Variants in PTPRN2 observed in about 807,000 individuals in gnomAD.
The protein encoded by PTPRN2 is protein tyrosine phosphatase receptor type N2.
In PTPRN2, 74 loss-of-function variants were observed where a neutral mutation model predicts 118.8. The ratio of observed to expected loss-of-function variants is 0.62; its 90% CI spans 0.52 to 0.76. The LOEUF (loss-of-function observed/expected upper bound fraction) is 0.76. Ranked by LOEUF, PTPRN2 falls within the 30% of genes least tolerant of loss-of-function variation. PTPRN2 has a pLI of 0.00. For synonymous variants in PTPRN2, 641 were observed against 608.0 expected (o/e 1.05, Z -0.80); for missense variants, 1,481 against 1,394.4 (o/e 1.06, Z -0.99).
rs555109113 is a variant in PTPRN2, at chr7:158,236,159, T to C, written c.278-30886A>G. On this transcript the variant is annotated intron_variant, in intron 3 of 22. Transcript: ENST00000389418. ...CCATCGTCCTTGCCATTGCTGGCCGTCATCTCTGGTCATCGCAAACAGAGC... is the reference window on the plus strand; with the variant it reads ...CCATCGTCCTTGCCATTGCTGGCCGCCATCTCTGGTCATCGCAAACAGAGC... Among the ~76,000 whole-genome samples the C allele has an allele frequency of 1.4e-4, 22 of 152,278 alleles. 1 individual carries two copies. In the South Asian group the frequency reaches 3.5e-3, roughly 24 times the overall value.
In PTPRN2 at chr7:157,619,102, C is replaced by T. The variant is rs1802989234; in HGVS notation, c.2344+2260G>A. On this transcript the variant is annotated intron_variant, in intron 15 of 22. Coordinates refer to ENST00000389418, the MANE Select transcript of PTPRN2 (RefSeq NM_002847.5). This position sits in a 1 kb window ranked among gnomAD's most constrained non-coding sequence, Gnocchi z 5.3. ...TCCCATCTGAGCACGGACCACTTCA[C>T]CATCACTAGGTCCCTCGCCCCCAAC... 6.6e-6 allele frequency among the ~76,000 whole-genome samples: 1 copy of T among 152,108 alleles called. No homozygotes were observed. The highest frequency in any genetic ancestry group is 2.1e-4 in the South Asian group (1 of 4,826).
chr7:157,581,010 C>A (rs1163870979), intron 17 of PTPRN2, among the ~76,000 whole-genome samples: 6 of 131,538 alleles, frequency 4.6e-5, no homozygotes, highest in African/African-American at 1.5e-4. Flanking sequence ...ACACCCGAGC[C>A]CCTGCACACC....
intron 12 of PTPRN2, among the ~76,000 whole-genome samples, chr7:157,738,379 C>A (rs926513804): frequency 6.6e-6 from 1 of 152,160 alleles, no homozygotes; most frequent in South Asian, 2.1e-4. Context: ...AGCAGAGGAG[C>A]GAAGGGAGGA....
intron 2 of PTPRN2, among the ~76,000 whole-genome samples, chr7:158,485,021 C>T (rs1280871343): frequency 6.6e-6 from 1 of 152,136 alleles, no homozygotes; most frequent in Non-Finnish European, 1.5e-5. Context: ...GCTGTGGCCC[C>T]GGCCGCCAGC....
At chr7:157,554,675 TG>T (rs955090824) in intron 21 of PTPRN2, among the ~76,000 whole-genome samples, 24 of 152,310 alleles carry the variant, frequency 1.6e-4, no homozygotes, top group African/African-American at 5.8e-4. Context: ...GGTGTGACGC[TG>T]ACATCGAAAA....
chr7:157,779,194 G>T lies in PTPRN2; in HGVS notation c.1789-96257C>A, dbSNP rs7797028. 2.6e-5 allele frequency among the ~76,000 whole-genome samples: 4 copies of T among 152,172 alleles called. No homozygotes were observed. The highest frequency in any genetic ancestry group is 5.9e-5 in the Non-Finnish European group (4 of 68,026). ...GCGCTACATTGAGGATGCTGGACAC[G>T]GCTTATCTCCTGGAGGAGGGCTGCC... is the stretch of plus-strand genomic sequence containing the variant. On this transcript the variant is annotated intron_variant, in intron 12 of 22. Coordinates refer to ENST00000389418, the MANE Select transcript of PTPRN2 (RefSeq NM_002847.5). The surrounding 1 kb of genome is among the most constrained non-coding windows in gnomAD (Gnocchi z 4.7).
rs1723576558 is a variant in PTPRN2 at position 158,544,871 on chromosome 7, CACTT to C, written c.112+42683_112+42686del. 6.6e-6 allele frequency among the ~76,000 whole-genome samples: 1 copy of C among 152,236 alleles called. No homozygotes were observed. The highest frequency in any genetic ancestry group is 2.4e-5 in the African/African-American group (1 of 41,476). On this transcript the variant is annotated intron_variant, in intron 1 of 22. Coordinates refer to ENST00000389418, the MANE Select transcript of PTPRN2 (RefSeq NM_002847.5). The surrounding 1 kb of genome is among the most constrained non-coding windows in gnomAD (Gnocchi z 4.2). ...TTCTTCCCTTGCAGTTTTCTGCTAA[CACTT>C]ACACCTGCCCACACTGGTGCTCACA...
rs536404019 is a variant in PTPRN2, at chr7:157,677,338, G to C, written c.2001+5387C>G. On this transcript the variant is annotated intron_variant, in intron 13 of 22. Transcript: ENST00000389418. The stretch of plus-strand genomic sequence containing the variant: ...TGATTTTAATTAAGTCTGATCTAAT[G>C]ACTACTGTCTGATGGGGGGAGTGGC... 2.5e-4 allele frequency among the ~76,000 whole-genome samples: 38 copies of C among 152,132 alleles called. 1 individual carries two copies. Among genetic ancestry groups the C allele is most frequent in the Middle Eastern group, 6.8e-3 (2 of 294 alleles).
At chr7:158,469,356 G>A (rs561213122) in intron 2 of PTPRN2, among the ~76,000 whole-genome samples, 41 of 152,134 alleles carry the variant, frequency 2.7e-4, no homozygotes, top group Non-Finnish European at 5.4e-4. Flanking sequence ...GAGCAGAATC[G>A]TTTGAACCCC....
chr7:158,318,271 G>A (rs1802516416), intron 2 of PTPRN2, among the ~76,000 whole-genome samples: 1 of 152,222 alleles, frequency 6.6e-6, no homozygotes. Context: ...AAAGGGGGGA[G>A]GAGGGAGAAA....
chr7:158,007,256 G>T (rs1008612202), intron 11 of PTPRN2, among the ~76,000 whole-genome samples: 1 of 152,204 alleles, frequency 6.6e-6, no homozygotes, highest in Non-Finnish European at 1.5e-5. Flanking sequence ...GGGAACACAC[G>T]TCAGCCCATC....
At chr7:158,573,167 A>T (rs1163685765) in intron 1 of PTPRN2, among the ~76,000 whole-genome samples, 1 of 152,210 alleles carries the variant, frequency 6.6e-6, no homozygotes, top group African/African-American at 2.4e-5. Context: ...ATCCTCTGGT[A>T]CAGATGCCTC....
chr7:157,665,874 T>C (rs1796112061), intron 13 of PTPRN2, among the ~76,000 whole-genome samples: 1 of 152,102 alleles, frequency 6.6e-6, no homozygotes, highest in Non-Finnish European at 1.5e-5. Flanking sequence ...CTCAGCAAAA[T>C]ATCACAAAGA....
At chr7:158,261,081 G>A (rs1797365823) in intron 3 of PTPRN2, among the ~76,000 whole-genome samples, 2 of 152,138 alleles carry the variant, frequency 1.3e-5, no homozygotes, top group Admixed American at 6.5e-5. Context: ...AGCAAGGGGG[G>A]CGTGAGGCTC....
chr7:157,693,642 C>G (rs1585250799), intron 12 of PTPRN2, among the ~76,000 whole-genome samples: 1 of 152,156 alleles, frequency 6.6e-6, no homozygotes, highest in South Asian at 2.1e-4. Context: ...AGGTCTGGGC[C>G]GGGGAGCAGC....
chr7:157,642,814 C>CAAAAAAAAAAAAAAAAAAAAAAAAA lies in PTPRN2; in HGVS notation c.2196+13518_2196+13542dup, dbSNP rs11335302. Among the ~76,000 whole-genome samples, 38 of 24,222 alleles carry CAAAAAAAAAAAAAAAAAAAAAAAAA rather than the reference C, an allele frequency of 1.6e-3. 8 individuals are homozygous for CAAAAAAAAAAAAAAAAAAAAAAAAA. Among genetic ancestry groups the CAAAAAAAAAAAAAAAAAAAAAAAAA allele is most frequent in the Admixed American group, 3.6e-3 (4 of 1,118 alleles). 15.9% of individuals were successfully genotyped at this position (24,222 alleles called of 152,430 possible). On this transcript the variant is annotated intron_variant, in intron 14 of 22. Transcript: ENST00000389418. ...AAGGGTCTACCAAGTCAAGAAACAG[C>CAAAAAAAAAAAAAAAAAAAAAAAAA]AAAAAAAAAAAAAAAAAAAAAAAAA...
rs1461469544 is a variant in PTPRN2 at position 158,022,565 on chromosome 7, G to A, written c.1723+58733C>T. The stretch of plus-strand genomic sequence containing the variant: ...GTTCATAGCCAAGGCCCCGGCACCC[G>A]GGCACTCTGTCTGGGGCAGCCCGTA... On this transcript the variant is annotated intron_variant, in intron 11 of 22. Coordinates refer to ENST00000389418, the MANE Select transcript of PTPRN2 (RefSeq NM_002847.5). This position sits in a 1 kb window ranked among gnomAD's most constrained non-coding sequence, Gnocchi z 4.6. Among the ~76,000 whole-genome samples the A allele has an allele frequency of 3.3e-5, 5 of 149,292 alleles. No individual in the cohort carries two copies. The highest frequency in any genetic ancestry group is 4.9e-5 in the African/African-American group (2 of 40,496).
At chr7:158,500,898 G>A (rs894146859) in intron 1 of PTPRN2, among the ~76,000 whole-genome samples, 2 of 152,236 alleles carry the variant, frequency 1.3e-5, no homozygotes, top group African/African-American at 4.8e-5. Context: ...TCCCAGGCAA[G>A]GCCGGTGCTG....
chr7:158,087,611 A>T (rs1399562885), intron 10 of PTPRN2, among the ~76,000 whole-genome samples: 1 of 151,134 alleles, frequency 6.6e-6, no homozygotes, highest in Non-Finnish European at 1.5e-5. Context: ...CTTCACACAA[A>T]CCTTCCTCCC....
Sources: allele counts gnomAD v4.1 joint callset (sites outside exome capture counted in the v4.1 genomes callset), GRCh38; gene constraint gnomAD v4.1.1; non-coding constraint Gnocchi (gnomAD v3.1); transcripts MANE v1.5; gene names NCBI Gene and HGNC (gene_info 2026-07-23, HGNC 2026-07-21).